The following UNC13C variants were observed in gnomAD, a reference collection of about 807,000 sequenced individuals.
UNC13C encodes the protein unc-13 homolog C.
A neutral mutation model predicts 245.4 loss-of-function variants in UNC13C; 174 were observed. The ratio of observed to expected loss-of-function variants is 0.71; its 90% CI spans 0.63 to 0.80. UNC13C has a LOEUF of 0.80. Among genes scored for constraint, UNC13C ranks in the 30% least tolerant of loss-of-function variants. The pLI is 0.00. For synonymous variants in UNC13C, 992 were observed against 895.1 expected (o/e 1.11, Z -1.93); for missense variants, 2,829 against 2,602.9 (o/e 1.09, Z -1.89).
intron 1 of UNC13C, among the ~76,000 whole-genome samples, chr15:54,000,737 A>G (rs1009097902): frequency 2.5e-4 from 38 of 152,154 alleles, no homozygotes; most frequent in South Asian, 2.1e-4. Context: ...GCAACACCTA[A>G]TCATATATAA....
Position 54,406,866 on chromosome 15 carries a change from G to A in UNC13C, c.4848-8116G>A, listed in dbSNP as rs114351979. Among the ~76,000 whole-genome samples the A allele has an allele frequency of 6.9e-3, 1,050 of 152,146 alleles. 13 individuals are homozygous for A. Among genetic ancestry groups the A allele is most frequent in the African/African-American group, 0.024 (991 of 41,514 alleles). ...GTGATACTTGAGCTGTGCTTTCCAG[G>A]GAGAGAGAGAGGTTATTATCTCATA... is the stretch of plus-strand genomic sequence containing the variant. On this transcript the variant is annotated intron_variant, in intron 18 of 32. Transcript: ENST00000260323.
intron 7 of UNC13C, among the ~76,000 whole-genome samples, chr15:54,249,246 T>A (rs1230849185): frequency 1.3e-5 from 2 of 148,506 alleles, no homozygotes; most frequent in East Asian, 2.0e-4. Flanking sequence ...TTTTTTTTTT[T>A]ACATCCAGCA....
At chr15:54,220,106 A>C (rs796961217) in intron 4 of UNC13C, among the ~76,000 whole-genome samples, 23,495 of 141,406 alleles carry the variant, frequency 0.17, 2,922 homozygotes, top group African/African-American at 0.35. Context: ...GTATATACCC[A>C]AAGGACTATA....
At chr15:54,040,035 T>C (rs1350070123) in intron 2 of UNC13C, among the ~76,000 whole-genome samples, 1 of 151,930 alleles carries the variant, frequency 6.6e-6, no homozygotes. Context: ...CCAAACCCCT[T>C]ACTGTGGCCT....
At chr15:54,095,977 T>C (rs960214224) in intron 2 of UNC13C, among the ~76,000 whole-genome samples, 2 of 152,210 alleles carry the variant, frequency 1.3e-5, no homozygotes, top group African/African-American at 4.8e-5. Flanking sequence ...GGTCATTTTA[T>C]GTAAAGGGAT....
At chr15:54,435,202 C>G (rs2040956096) in intron 19 of UNC13C, among the ~76,000 whole-genome samples, 1 of 152,058 alleles carries the variant, frequency 6.6e-6, no homozygotes, top group Admixed American at 6.6e-5. Flanking sequence ...ACCAGAAATA[C>G]CATTTGACCC....
chr15:54,010,404 G>A (rs1895329741), intron 1 of UNC13C, among the ~76,000 whole-genome samples: 1 of 152,114 alleles, frequency 6.6e-6, no homozygotes, highest in African/African-American at 2.4e-5. Flanking sequence ...GAGGTAAAAT[G>A]AGCTGATGTT....
chr15:53,967,069 G>A, the UNC13C span, among the ~76,000 whole-genome samples: 2 of 151,866 alleles, frequency 1.3e-5, no homozygotes, highest in Admixed American at 6.6e-5. Flanking sequence ...CTCACCTCTA[G>A]TTTTTCCAAT....
chr15:54,198,650 A>AG (rs1157866240), intron 4 of UNC13C, among the ~76,000 whole-genome samples: 4 of 152,142 alleles, frequency 2.6e-5, no homozygotes, highest in Admixed American at 1.3e-4. Context: ...CCCCTCTCCT[A>AG]GGGGAAGTAG....
chr15:54,619,474 G>A (rs995704997), intron 30 of UNC13C, among the ~76,000 whole-genome samples: 4 of 152,092 alleles, frequency 2.6e-5, no homozygotes, highest in South Asian at 2.1e-4. Flanking sequence ...TTGTAACTGC[G>A]AAACAAAGTG....
chr15:54,272,456 T>G (rs1447532896), intron 10 of UNC13C, among the ~76,000 whole-genome samples: 2 of 152,206 alleles, frequency 1.3e-5, no homozygotes, highest in African/African-American at 4.8e-5. Flanking sequence ...TTACCAGCAG[T>G]CTTTTCCTAG....
intron 19 of UNC13C, among the ~76,000 whole-genome samples, chr15:54,482,695 A>G (rs1342667069): frequency 6.8e-6 from 1 of 146,858 alleles, no homozygotes; most frequent in African/African-American, 2.5e-5. Flanking sequence ...TGGAGGAGGC[A>G]AGTGCCAGGT....
At chr15:53,963,792 G>T in the UNC13C span, among the ~76,000 whole-genome samples, 1 of 152,182 alleles carries the variant, frequency 6.6e-6, no homozygotes, top group East Asian at 1.9e-4. Flanking sequence ...ACCAATGGCT[G>T]ACATTCATGG....
At chr15:54,138,205 T>C (rs1346253267) in intron 2 of UNC13C, among the ~76,000 whole-genome samples, 1 of 152,150 alleles carries the variant, frequency 6.6e-6, no homozygotes, top group African/African-American at 2.4e-5. Context: ...TGTTAAGATG[T>C]GTTTTGTGGC....
At chr15:53,891,434 C>T in the UNC13C span, among the ~76,000 whole-genome samples, 1 of 152,076 alleles carries the variant, frequency 6.6e-6, no homozygotes, top group Admixed American at 6.6e-5. Flanking sequence ...TTTTCTGTCT[C>T]GTTGATTTGT....
At chr15:54,517,103 A>G (rs1284011875) in intron 24 of UNC13C, among the ~76,000 whole-genome samples, 2 of 152,124 alleles carry the variant, frequency 1.3e-5, no homozygotes, top group Non-Finnish European at 2.9e-5. Flanking sequence ...ATGGTGTTAT[A>G]GTTAACAGAG....
At chr15:54,069,529 A>C (rs1240812734) in intron 2 of UNC13C, among the ~76,000 whole-genome samples, 2 of 152,208 alleles carry the variant, frequency 1.3e-5, no homozygotes, top group Admixed American at 6.5e-5. Context: ...GCTCTCATGT[A>C]TATATTGAAA....
intron 19 of UNC13C, among the ~76,000 whole-genome samples, chr15:54,485,599 T>A (rs1386594455): frequency 6.6e-6 from 1 of 152,206 alleles, no homozygotes; most frequent in Non-Finnish European, 1.5e-5. Context: ...CAGATGTAAA[T>A]CAGACCAAAA....
intron 4 of UNC13C, among the ~76,000 whole-genome samples, chr15:54,159,484 G>A (rs1013083822): frequency 2.6e-5 from 4 of 152,204 alleles, no homozygotes; most frequent in African/African-American, 9.7e-5. Context: ...CTAAGGCACT[G>A]TTTCCTTGTG....
Sources: allele counts gnomAD v4.1 joint callset (sites outside exome capture counted in the v4.1 genomes callset), GRCh38; gene constraint gnomAD v4.1.1; transcripts MANE v1.5; gene names NCBI Gene and HGNC (gene_info 2026-07-23, HGNC 2026-07-21).